CSMD1: variants seen among roughly 807,000 people sequenced by gnomAD.
CSMD1 encodes CUB and sushi domain-containing protein 1.
A neutral mutation model predicts 417.5 loss-of-function variants in CSMD1; 213 were observed. The ratio of observed to expected loss-of-function variants is 0.51; its 90% confidence interval spans 0.46 to 0.57. The LOEUF (loss-of-function observed/expected upper bound fraction) is 0.57. CSMD1 is among the 20% of genes least tolerant of loss of function. The probability of loss-of-function intolerance (pLI) is 0.00; values close to 1 mark genes in which losing one functional copy is unlikely to be tolerated. For missense variants in CSMD1, 6,923 were observed against 4,529.7 expected, an observed-to-expected ratio of 1.53 and a Z score of -15.17; for synonymous variants, 2,862 against 1,736.8, an observed-to-expected ratio of 1.65 and a Z score of -16.11.
intron 5 of CSMD1, among the ~76,000 whole-genome samples, chr8:3,926,616 G>C (rs1212331194): frequency 2.0e-5 from 3 of 147,358 alleles, no homozygotes; most frequent in Non-Finnish European, 3.0e-5. Context: ...TTTAAAATAT[G>C]ATTTTATGAA....
chr8:3,659,025 T>C (rs1174798049), intron 7 of CSMD1, among the ~76,000 whole-genome samples: 3 of 152,234 alleles, frequency 2.0e-5, no homozygotes, highest in Non-Finnish European at 4.4e-5. Flanking sequence ...CAGAGCAGTG[T>C]CATTTAATTA....
At chr8:4,767,974 C>T (rs1812580521) in intron 1 of CSMD1, among the ~76,000 whole-genome samples, 1 of 152,142 alleles carries the variant, frequency 6.6e-6, no homozygotes. Context: ...GTCAATCTAG[C>T]ACAGAGTGTG....
At chr8:4,347,555 T>A (rs1452845119) in intron 3 of CSMD1, among the ~76,000 whole-genome samples, 1 of 152,170 alleles carries the variant, frequency 6.6e-6, no homozygotes, top group African/African-American at 2.4e-5. Context: ...CAGAAATACT[T>A]CCCTGTTGCC....
chr8:3,709,386 C>T (rs1460227286), intron 6 of CSMD1, among the ~76,000 whole-genome samples: 1 of 152,082 alleles, frequency 6.6e-6, no homozygotes, highest in African/African-American at 2.4e-5. Context: ...AAGTTACTTG[C>T]CTCTGAGCCT....
intron 3 of CSMD1, among the ~76,000 whole-genome samples, chr8:4,303,945 G>T (rs556803752): frequency 2.6e-5 from 4 of 152,128 alleles, no homozygotes; most frequent in Admixed American, 2.0e-4. Context: ...ATAAGCTCCA[G>T]CTGCCACTTT....
intron 41 of CSMD1, among the ~76,000 whole-genome samples, chr8:3,120,842 T>C (rs1187536584): frequency 6.6e-6 from 1 of 151,976 alleles, no homozygotes; most frequent in African/African-American, 2.4e-5. Flanking sequence ...TGAGACTCCA[T>C]CACAAATAAA....
chr8:3,989,137 G>C (rs944204455), intron 5 of CSMD1, among the ~76,000 whole-genome samples: 3 of 152,182 alleles, frequency 2.0e-5, no homozygotes, highest in African/African-American at 4.8e-5. Flanking sequence ...ATGTGGGGCG[G>C]GCATTTTGCT....
chr8:3,879,339 T>TAA (rs1390339696), intron 5 of CSMD1, among the ~76,000 whole-genome samples: 5 of 138,862 alleles, frequency 3.6e-5, no homozygotes, highest in African/African-American at 1.6e-4. Context: ...TACAAGATTA[T>TAA]TATTCATTAG....
chr8:4,033,744 G>T lies in CSMD1; in HGVS notation c.416-1645C>A, dbSNP rs76490933. ...TTTCATTGACAATTTCAATAATGGG[G>T]TATTGATTCTGTTCTTTTTGGTCCT... On this transcript the variant is annotated intron_variant, in intron 3 of 69. Transcript: ENST00000635120. 8.9e-3 allele frequency among the ~76,000 whole-genome samples: 1,353 copies of T among 152,202 alleles called. 20 individuals are homozygous for T. Among genetic ancestry groups the T allele is most frequent in the African/African-American group, 0.031 (1,274 of 41,530 alleles).
intron 3 of CSMD1, among the ~76,000 whole-genome samples, chr8:4,215,538 C>CT (rs1563287334): frequency 6.6e-6 from 1 of 151,442 alleles, no homozygotes; most frequent in East Asian, 1.9e-4. Flanking sequence ...GACCAGGATC[C>CT]TTTACATTGT....
In CSMD1 at chr8:3,387,689, G is replaced by T. The variant is rs543422843; in HGVS notation, c.2594-7C>A. On this transcript the variant is annotated splice_region_variant and splice_polypyrimidine_tract_variant and intron_variant, in intron 17 of 69. Coordinates refer to ENST00000635120, the MANE Select transcript of CSMD1 (RefSeq NM_033225.6). ...TCCGACTCAAGCGTCACACCTGGAT[G>T]CACAGAACGAATGCAGTCGATGAGG... 2 of 1,588,632 alleles carry T rather than the reference G, an allele frequency of 1.3e-6. No individual in the cohort carries two copies. Among genetic ancestry groups the T allele is most frequent in the African/African-American group, 1.3e-5 (1 of 74,570 alleles).
chr8:4,438,038 C>A (rs1224843174), intron 2 of CSMD1, among the ~76,000 whole-genome samples: 5 of 152,140 alleles, frequency 3.3e-5, no homozygotes, highest in African/African-American at 1.2e-4. Context: ...TACTTCCAAG[C>A]CTCTTAGCTA....
rs117199201 is a variant in CSMD1 at position 3,644,439 on chromosome 8, C to T, written c.1010-27642G>A. Reference sequence around the variant, plus strand: ...CAGTTTCCTCACCTTAAAATAGGCACGGTAGAAAGAAAAGAGAGCAACTCT... The same window carrying T: ...CAGTTTCCTCACCTTAAAATAGGCATGGTAGAAAGAAAAGAGAGCAACTCT... On this transcript the variant is annotated intron_variant, in intron 7 of 69. Transcript: ENST00000635120. Among the ~76,000 whole-genome samples, 98 of 152,142 alleles carry T rather than the reference C, an allele frequency of 6.4e-4. 1 individual carries two copies. The East Asian group carries it at 0.015, about 23-fold the overall frequency.
chr8:4,611,234 T>C (rs1033064012), intron 2 of CSMD1, among the ~76,000 whole-genome samples: 1 of 152,168 alleles, frequency 6.6e-6, no homozygotes, highest in Non-Finnish European at 1.5e-5. Flanking sequence ...TTACAATGGG[T>C]ACTATTCGTC....
At chr8:4,354,216 A>G (rs903526869) in intron 3 of CSMD1, among the ~76,000 whole-genome samples, 2 of 152,200 alleles carry the variant, frequency 1.3e-5, no homozygotes, top group Non-Finnish European at 2.9e-5. Flanking sequence ...TACCACCCTG[A>G]GCCTTCCGAT....
At chr8:4,925,215 G>GTTTTTTTTTTTTTTTTTTTTTTTTTT in intron 1 of CSMD1, among the ~76,000 whole-genome samples, 1 of 72,734 alleles carries the variant, frequency 1.4e-5, no homozygotes, top group Non-Finnish European at 2.3e-5. Context: ...CAGTTTTATG[G>GTTTTTTTTTTTTTTTTTTTTTTTTTT]TTTTTTTTTT....
chr8:4,540,166 CAAGTT>C, intron 2 of CSMD1, among the ~76,000 whole-genome samples: 1 of 152,200 alleles, frequency 6.6e-6, no homozygotes, highest in East Asian at 1.9e-4. Flanking sequence ...ATGATGGACT[CAAGTT>C]AGGAATGAAG....
intron 3 of CSMD1, among the ~76,000 whole-genome samples, chr8:4,048,316 G>A (rs1798254140): frequency 6.6e-6 from 1 of 152,084 alleles, no homozygotes; most frequent in African/African-American, 2.4e-5. Flanking sequence ...CACAAAGAGG[G>A]GAGTCTTTCA....
intron 2 of CSMD1, among the ~76,000 whole-genome samples, chr8:4,513,352 C>T (rs530610031): frequency 4.6e-5 from 7 of 152,182 alleles, no homozygotes; most frequent in East Asian, 1.9e-4. Flanking sequence ...CAGCAAACAT[C>T]GAAGCTACTA....
Sources: gnomAD v4.1 joint callset for allele counts (sites outside exome capture counted in the v4.1 genomes callset) on GRCh38, gnomAD v4.1.1 for gene constraint, MANE v1.5 for transcripts, NCBI Gene and HGNC (gene_info 2026-07-23, HGNC 2026-07-21) for gene names.